The following IMMP2L variants were observed in gnomAD, a reference collection of about 807,000 sequenced individuals.
IMMP2L encodes mitochondrial inner membrane protease subunit 2.
A neutral mutation model predicts 19.3 loss-of-function variants in IMMP2L; 18 were observed. The observed-to-expected ratio is 0.93, with a 90% CI of 0.64 to 1.38. IMMP2L has a LOEUF of 1.38. Among genes scored for constraint, IMMP2L ranks in the 40% most tolerant of loss-of-function variants. The pLI is 0.00. For synonymous variants in IMMP2L, 76 were observed against 73.0 expected (o/e 1.04, Z -0.21); for missense variants, 233 against 218.2 (o/e 1.07, Z -0.43).
chr7:110,968,501 C>T (rs1042234118), intron 3 of IMMP2L, among the ~76,000 whole-genome samples: 2 of 151,978 alleles, frequency 1.3e-5, no homozygotes, highest in African/African-American at 4.8e-5. Context: ...TGGTGAAACC[C>T]CGTCTCTACA....
chr7:110,930,879 A>G (rs1206681072), intron 4 of IMMP2L, among the ~76,000 whole-genome samples: 1 of 152,242 alleles, frequency 6.6e-6, no homozygotes, highest in Non-Finnish European at 1.5e-5. Flanking sequence ...CTATGTTTAT[A>G]CACATTTAAA....
chr7:111,040,311 CA>C (rs1217756720), intron 3 of IMMP2L, among the ~76,000 whole-genome samples: 1 of 151,954 alleles, frequency 6.6e-6, no homozygotes, highest in East Asian at 1.9e-4. Flanking sequence ...ATGGAGTTGC[CA>C]AAATGACCAA....
At chr7:110,883,141 T>C (rs10257592) in intron 5 of IMMP2L, among the ~76,000 whole-genome samples, 23,400 of 152,194 alleles carry the variant, frequency 0.15, 3,643 homozygotes, top group African/African-American at 0.4. Context: ...TATTCATGTT[T>C]CATACTTTTC....
intron 5 of IMMP2L, among the ~76,000 whole-genome samples, chr7:110,699,194 TCA>T (rs1313328961): frequency 6.6e-6 from 1 of 152,200 alleles, no homozygotes; most frequent in Non-Finnish European, 1.5e-5. Context: ...TCAGTTGTGT[TCA>T]GAGTTGGCCC....
intron 3 of IMMP2L, among the ~76,000 whole-genome samples, chr7:111,167,063 A>G (rs753350199): frequency 1.3e-5 from 2 of 151,986 alleles, no homozygotes; most frequent in African/African-American, 2.4e-5. Flanking sequence ...ACCCAACACT[A>G]TCACAAGCCC....
chr7:111,327,188 T>G (rs1825409876), intron 3 of IMMP2L, among the ~76,000 whole-genome samples: 1 of 151,698 alleles, frequency 6.6e-6, no homozygotes, highest in Non-Finnish European at 1.5e-5. Flanking sequence ...TAAAATAGTT[T>G]AATTCATAAA....
chr7:111,164,196 G>A (rs1805582643), intron 3 of IMMP2L, among the ~76,000 whole-genome samples: 1 of 151,878 alleles, frequency 6.6e-6, no homozygotes, highest in Non-Finnish European at 1.5e-5. Flanking sequence ...AGGCAGGCAG[G>A]CAGGCAGGCA....
At chr7:111,254,785 T>C (rs1816525288) in intron 3 of IMMP2L, among the ~76,000 whole-genome samples, 1 of 152,040 alleles carries the variant, frequency 6.6e-6, no homozygotes, top group South Asian at 2.1e-4. Context: ...GTAACACAAG[T>C]TTTGTATCCC....
In IMMP2L at chr7:110,862,467, C is replaced by T. The variant is rs953370387; in HGVS notation, c.408+24126G>A. ...CGATCCTCCCACATCAGACCCCGAG[C>T]AGCTGTGTCTATAGATATGTGCTCC... On this transcript the variant is annotated intron_variant, in intron 5 of 5. Transcript: ENST00000405709. 2.0e-5 allele frequency among the ~76,000 whole-genome samples: 3 copies of T among 151,214 alleles called. No homozygotes were observed. The East Asian group carries it at 5.9e-4, about 30-fold the overall frequency.
At chr7:110,832,131 G>T (rs532342154) in intron 5 of IMMP2L, among the ~76,000 whole-genome samples, 10 of 152,200 alleles carry the variant, frequency 6.6e-5, no homozygotes, top group African/African-American at 2.4e-4. Flanking sequence ...GTGTGGTGGC[G>T]TGTGCCTGTA....
chr7:110,925,006 G>A (rs936102750), intron 4 of IMMP2L, among the ~76,000 whole-genome samples: 6 of 152,176 alleles, frequency 3.9e-5, no homozygotes, highest in Non-Finnish European at 7.3e-5. Flanking sequence ...ATAAAAAGGA[G>A]TATGATGAAG....
Position 110,847,033 on chromosome 7 carries a change from A to C in IMMP2L, c.408+39560T>G, listed in dbSNP as rs559769135. Among the ~76,000 whole-genome samples, 19 of 152,238 alleles carry C rather than the reference A, an allele frequency of 1.2e-4. No individual in the cohort carries two copies. The South Asian group carries it at 3.7e-3, about 30-fold the overall frequency. ...GTCCTCTTTATTCAACCTTTCATCA[A>C]TATCACAGTTAAGAAATATTTTGTT... On this transcript the variant is annotated intron_variant, in intron 5 of 5. Coordinates refer to ENST00000405709, the MANE Select transcript of IMMP2L (RefSeq NM_032549.4).
At chr7:111,450,162 C>T (rs1274656054) in intron 3 of IMMP2L, among the ~76,000 whole-genome samples, 16 of 151,506 alleles carry the variant, frequency 1.1e-4, no homozygotes, top group South Asian at 4.2e-4. Flanking sequence ...TTCAATGCCA[C>T]CCCCATCAAG....
At chr7:111,179,479 A>T (rs1562892476) in intron 3 of IMMP2L, among the ~76,000 whole-genome samples, 1 of 152,008 alleles carries the variant, frequency 6.6e-6, no homozygotes, top group Non-Finnish European at 1.5e-5. Flanking sequence ...GGAAACCAAA[A>T]GATTGGACAC....
intron 5 of IMMP2L, among the ~76,000 whole-genome samples, chr7:110,822,899 T>C (rs1803160686): frequency 6.6e-6 from 1 of 152,142 alleles, no homozygotes; most frequent in East Asian, 1.9e-4. Context: ...TGTCTTATTC[T>C]ATGTCTTATT....
chr7:111,009,376 G>C (rs1228525928), intron 3 of IMMP2L, among the ~76,000 whole-genome samples: 3 of 151,940 alleles, frequency 2.0e-5, no homozygotes, highest in Non-Finnish European at 4.4e-5. Flanking sequence ...ATTTTTTTCT[G>C]AGTGTATTTT....
intron 3 of IMMP2L, among the ~76,000 whole-genome samples, chr7:111,453,128 T>C (rs1201618493): frequency 1.3e-5 from 2 of 152,214 alleles, no homozygotes; most frequent in African/African-American, 4.8e-5. Context: ...CATAGATAAG[T>C]GTCCATTGCT....
At chr7:111,156,583 C>T (rs1036956713) in intron 3 of IMMP2L, among the ~76,000 whole-genome samples, 2 of 152,100 alleles carry the variant, frequency 1.3e-5, no homozygotes, top group Non-Finnish European at 2.9e-5. Flanking sequence ...AATTCATAAA[C>T]ACATGATATA....
At chr7:111,439,933 T>C (rs901847400) in intron 3 of IMMP2L, among the ~76,000 whole-genome samples, 7 of 151,940 alleles carry the variant, frequency 4.6e-5, no homozygotes, top group Non-Finnish European at 8.8e-5. Context: ...GTTCATAGCA[T>C]CTTCACCAGG....
Sources: gnomAD v4.1 joint callset for allele counts (sites outside exome capture counted in the v4.1 genomes callset) on GRCh38, gnomAD v4.1.1 for gene constraint, MANE v1.5 for transcripts, NCBI Gene and HGNC (gene_info 2026-07-23, HGNC 2026-07-21) for gene names.